The following IMMP2L variants were observed in gnomAD, a reference collection of about 807,000 sequenced individuals.
IMMP2L encodes the protein inner mitochondrial membrane peptidase subunit 2, also known as mitochondrial inner membrane protease subunit 2.
Under a neutral mutation model 19.3 loss-of-function variants are expected in IMMP2L, and 18 were observed. The ratio of observed to expected loss-of-function variants is 0.93; its 90% CI spans 0.64 to 1.38. The LOEUF (loss-of-function observed/expected upper bound fraction) is 1.38. IMMP2L is among the 40% of genes most tolerant of loss of function. The pLI, the probability that IMMP2L is intolerant of heterozygous loss-of-function variation, is 0.00. For synonymous variants in IMMP2L, 76 were observed against 73.0 expected (o/e 1.04, Z -0.21); for missense variants, 233 against 218.2 (o/e 1.07, Z -0.43).
At chr7:111,264,464 C>A (rs1276628911) in intron 3 of IMMP2L, among the ~76,000 whole-genome samples, 1 of 152,000 alleles carries the variant, frequency 6.6e-6, no homozygotes, top group African/African-American at 2.4e-5. Flanking sequence ...GCAAATATAT[C>A]TCTGAAAAAC....
intron 1 of IMMP2L, among the ~76,000 whole-genome samples, chr7:111,557,945 C>T (rs1465345736): frequency 1.3e-5 from 2 of 151,894 alleles, no homozygotes; most frequent in African/African-American, 4.8e-5. Flanking sequence ...AACGTACAGA[C>T]ATCTTTAGTA....
intron 3 of IMMP2L, among the ~76,000 whole-genome samples, chr7:111,437,156 A>G (rs1837259139): frequency 6.6e-6 from 1 of 151,790 alleles, no homozygotes; most frequent in East Asian, 1.9e-4. Flanking sequence ...TTAAAAAAAT[A>G]CATCCACAGC....
Position 110,862,553 on chromosome 7 carries a change from G to A in IMMP2L, c.408+24040C>T, listed in dbSNP as rs113593169. Among the ~76,000 whole-genome samples the A allele has an allele frequency of 7.6e-3, 1,139 of 150,648 alleles. 11 individuals carry two copies. The highest frequency in any genetic ancestry group is 0.018 in the African/African-American group (723 of 41,016). The stretch of plus-strand genomic sequence containing the variant: ...TAGAGACAGGGTTTCAGTGTGTTGC[G>A]CAGGCTGGCCTCAAACTCCTGGCCT... On this transcript the variant is annotated intron_variant, in intron 5 of 5. Coordinates refer to ENST00000405709, the MANE Select transcript of IMMP2L (RefSeq NM_032549.4).
At chr7:111,107,329 A>G (rs1798662451) in intron 3 of IMMP2L, among the ~76,000 whole-genome samples, 1 of 152,074 alleles carries the variant, frequency 6.6e-6, no homozygotes. Context: ...CGCCAGCCCT[A>G]CAGCAGGTAG....
intron 5 of IMMP2L, among the ~76,000 whole-genome samples, chr7:110,715,215 A>G (rs1795161097): frequency 6.6e-6 from 1 of 152,056 alleles, no homozygotes; most frequent in African/African-American, 2.4e-5. Context: ...CCTTTTAAAG[A>G]ACCAACTTTT....
intron 3 of IMMP2L, among the ~76,000 whole-genome samples, chr7:110,996,911 T>C (rs1258916790): frequency 6.6e-6 from 1 of 152,092 alleles, no homozygotes; most frequent in Non-Finnish European, 1.5e-5. Flanking sequence ...TATGTATGCG[T>C]TGGTGTGCAT....
rs527380190 is a variant in IMMP2L, at chr7:111,429,166, C to T, written c.239+58072G>A. On this transcript the variant is annotated intron_variant, in intron 3 of 5. Transcript: ENST00000405709. ...TATTAATCTAGGTGTTGCCCATGAG[C>T]TTCAAGAGCAGCTTCATGAATCTCT... 8.6e-5 allele frequency among the ~76,000 whole-genome samples: 13 copies of T among 151,904 alleles called. 1 individual carries two copies. Among genetic ancestry groups the T allele is most frequent in the African/African-American group, 3.2e-4 (13 of 41,248 alleles).
At chr7:111,486,715 T>C (rs755632829) in intron 3 of IMMP2L, among the ~76,000 whole-genome samples, 1 of 152,166 alleles carries the variant, frequency 6.6e-6, no homozygotes, top group Admixed American at 6.5e-5. Context: ...AAATTTTTGA[T>C]CCTGACCAGT....
chr7:111,321,371 G>A (rs567962274), intron 3 of IMMP2L, among the ~76,000 whole-genome samples: 1 of 151,906 alleles, frequency 6.6e-6, no homozygotes, highest in African/African-American at 2.4e-5. Context: ...TTAAATAAAT[G>A]ACAATAATTA....
chr7:111,343,518 C>T (rs1036417307), intron 3 of IMMP2L, among the ~76,000 whole-genome samples: 1 of 152,044 alleles, frequency 6.6e-6, no homozygotes, highest in South Asian at 2.1e-4. Context: ...TCCTGGCTCC[C>T]GGCGCACCCA....
chr7:110,678,170 G>A (rs570507457), intron 5 of IMMP2L, among the ~76,000 whole-genome samples: 1 of 152,098 alleles, frequency 6.6e-6, no homozygotes, highest in Non-Finnish European at 1.5e-5. Flanking sequence ...TAACCCTCTG[G>A]TAGCAAAATC....
chr7:110,686,137 G>T (rs553585947), intron 5 of IMMP2L, among the ~76,000 whole-genome samples: 1 of 152,114 alleles, frequency 6.6e-6, no homozygotes, highest in African/African-American at 2.4e-5. Context: ...ACCTTCCATG[G>T]CTTGTCTTTA....
At chr7:111,554,287 C>T (rs547175706) in intron 1 of IMMP2L, among the ~76,000 whole-genome samples, 179 of 152,180 alleles carry the variant, frequency 1.2e-3, no homozygotes, top group Non-Finnish European at 2.4e-3. Context: ...AATGCTGATA[C>T]GTCTATATGT....
intron 3 of IMMP2L, among the ~76,000 whole-genome samples, chr7:111,229,637 C>T (rs1432219270): frequency 6.6e-6 from 1 of 151,760 alleles, no homozygotes; most frequent in Non-Finnish European, 1.5e-5. Flanking sequence ...TGGGAGAAAC[C>T]TCAACAATGG....
chr7:110,925,673 T>C (rs1363653524), intron 4 of IMMP2L, among the ~76,000 whole-genome samples: 1 of 152,134 alleles, frequency 6.6e-6, no homozygotes, highest in Non-Finnish European at 1.5e-5. Context: ...GTAATTATCT[T>C]TTATTCATTC....
chr7:110,867,033 T>C (rs1348343688), intron 5 of IMMP2L, among the ~76,000 whole-genome samples: 1 of 152,050 alleles, frequency 6.6e-6, no homozygotes, highest in African/African-American at 2.4e-5. Flanking sequence ...ATTCACACCA[T>C]CTTCACTCAA....
At chr7:110,819,993 T>A (rs190515667) in intron 5 of IMMP2L, among the ~76,000 whole-genome samples, 16 of 152,202 alleles carry the variant, frequency 1.1e-4, no homozygotes, top group Non-Finnish European at 1.9e-4. Context: ...ATATCTAGAG[T>A]ATGACAATCT....
At chr7:110,954,588 G>A (rs573232810) in intron 4 of IMMP2L, among the ~76,000 whole-genome samples, 7 of 152,116 alleles carry the variant, frequency 4.6e-5, no homozygotes, top group South Asian at 2.1e-4. Context: ...AGAAAGCACC[G>A]TGGAGTATAC....
chr7:110,715,809 T>A (rs976094187), intron 5 of IMMP2L, among the ~76,000 whole-genome samples: 3 of 152,132 alleles, frequency 2.0e-5, no homozygotes, highest in Non-Finnish European at 2.9e-5. Context: ...AGTTTCTTGG[T>A]TAGTTTTCTA....
Sources: allele counts gnomAD v4.1 joint callset (sites outside exome capture counted in the v4.1 genomes callset), GRCh38; gene constraint gnomAD v4.1.1; transcripts MANE v1.5; gene names NCBI Gene and HGNC (gene_info 2026-07-23, HGNC 2026-07-21).